PLCB1: variants seen among roughly 807,000 people sequenced by gnomAD.
The protein encoded by PLCB1 is phospholipase C beta 1.
In PLCB1, 46 loss-of-function variants were observed where a neutral mutation model predicts 161.8. The ratio of observed to expected loss-of-function variants is 0.28; its 90% confidence interval spans 0.22 to 0.36. The LOEUF (loss-of-function observed/expected upper bound fraction) is 0.36. PLCB1 is among the 10% of genes least tolerant of loss of function. The pLI is 1.00. For missense variants in PLCB1, 1,016 were observed against 1,472.5 expected, an observed-to-expected ratio of 0.69 and a Z score of 5.07; for synonymous variants, 517 against 503.7, an observed-to-expected ratio of 1.03 and a Z score of -0.35.
chr20:8,462,342 G>A (rs150505169), intron 3 of PLCB1, among the ~76,000 whole-genome samples: 264 of 152,198 alleles, frequency 1.7e-3, no homozygotes, highest in African/African-American at 6.0e-3. Flanking sequence ...ATGACATGAC[G>A]TGCCATCCAA....
At chr20:8,822,343 C>T (rs1316419971) in intron 31 of PLCB1, among the ~76,000 whole-genome samples, 1 of 152,174 alleles carries the variant, frequency 6.6e-6, no homozygotes, top group Non-Finnish European at 1.5e-5. Flanking sequence ...GTGTCAGGCA[C>T]TGCGCTGCAT....
intron 19 of PLCB1, among the ~76,000 whole-genome samples, chr20:8,735,185 G>A (rs545827234): frequency 5.9e-5 from 9 of 152,130 alleles, no homozygotes; most frequent in Non-Finnish European, 1.3e-4. Flanking sequence ...GTTATAGTTC[G>A]GTTGAATTAA....
At chr20:8,255,341 A>C (rs1274664662) in intron 2 of PLCB1, among the ~76,000 whole-genome samples, 1 of 152,086 alleles carries the variant, frequency 6.6e-6, no homozygotes, top group Non-Finnish European at 1.5e-5. Context: ...ACAGATACAA[A>C]CACTGGATGG....
intron 3 of PLCB1, among the ~76,000 whole-genome samples, chr20:8,406,401 C>A (rs1600379667): frequency 6.6e-6 from 1 of 152,222 alleles, no homozygotes; most frequent in East Asian, 1.9e-4. Context: ...CAGCTTCAGT[C>A]ATTAAAATAT....
chr20:8,449,563 G>T (rs1367477237), intron 3 of PLCB1, among the ~76,000 whole-genome samples: 1 of 152,200 alleles, frequency 6.6e-6, no homozygotes, highest in Non-Finnish European at 1.5e-5. Context: ...GTGGAATGAT[G>T]GGGATGGTTT....
At chr20:8,726,624 G>A (rs1267391860) in intron 16 of PLCB1, among the ~76,000 whole-genome samples, 3 of 152,020 alleles carry the variant, frequency 2.0e-5, no homozygotes, top group African/African-American at 7.2e-5. Flanking sequence ...GCATTATCAT[G>A]AGAACAACAC....
chr20:8,479,872 C>T (rs1032412903), intron 3 of PLCB1, among the ~76,000 whole-genome samples: 3 of 152,208 alleles, frequency 2.0e-5, no homozygotes, highest in African/African-American at 7.2e-5. Context: ...CAACCTGTAG[C>T]ATAACACAAA....
chr20:8,132,334 A>C lies in PLCB1; in HGVS notation c.-318A>C, dbSNP rs1016537323. 1 of 221,116 alleles carries C rather than the reference A, an allele frequency of 4.5e-6. No individual in the cohort carries two copies. Among genetic ancestry groups the C allele is most frequent in the African/African-American group, 2.3e-5 (1 of 43,392 alleles). The allele number at this position is 221,116 out of a possible 1,614,324, so 13.7% of individuals were successfully genotyped here. ...CGCTTTGAGGCGGCGGCGGCGGAGG[A>C]GCAGAATCCGCCGCGACTGGCAGCC... On this transcript the variant is annotated 5_prime_UTR_variant, in exon 1 of 32. Transcript: ENST00000338037. This position sits in a 1 kb window ranked among gnomAD's most constrained non-coding sequence, Gnocchi z 5.2.
chr20:8,790,903 A>C (rs1983726490), intron 31 of PLCB1, among the ~76,000 whole-genome samples: 1 of 152,142 alleles, frequency 6.6e-6, no homozygotes, highest in Non-Finnish European at 1.5e-5. Context: ...CATTCCTTCC[A>C]TTTTGATTCA....
At chr20:8,385,819 T>C (rs1329670454) in intron 3 of PLCB1, among the ~76,000 whole-genome samples, 2 of 152,186 alleles carry the variant, frequency 1.3e-5, no homozygotes, top group Non-Finnish European at 2.9e-5. Context: ...TCTTCCTTCC[T>C]CTCCATGGAT....
intron 3 of PLCB1, among the ~76,000 whole-genome samples, chr20:8,543,731 TG>T (rs1423696106): frequency 3.3e-5 from 5 of 151,466 alleles, no homozygotes; most frequent in Non-Finnish European, 7.4e-5. Context: ...GGAGGGACCT[TG>T]GGGGTGGTGA....
At chr20:8,836,114 A>G (rs1455533670) in intron 31 of PLCB1, among the ~76,000 whole-genome samples, 2 of 152,100 alleles carry the variant, frequency 1.3e-5, no homozygotes, top group Non-Finnish European at 2.9e-5. Flanking sequence ...TAGCAGGCTA[A>G]TCAAAGCTTG....
chr20:8,872,697 C>T (rs1987647634), intron 31 of PLCB1, among the ~76,000 whole-genome samples: 3 of 152,136 alleles, frequency 2.0e-5, no homozygotes, highest in Admixed American at 2.0e-4. Context: ...TCATGGGTTT[C>T]TAATTCCCTT....
At chr20:8,715,624 T>C (rs1399831688) in intron 12 of PLCB1, among the ~76,000 whole-genome samples, 2 of 152,196 alleles carry the variant, frequency 1.3e-5, no homozygotes, top group African/African-American at 4.8e-5. Context: ...TATTCTGTTA[T>C]GTATATATGA....
chr20:8,382,964 A>C (rs1326209072), intron 3 of PLCB1, among the ~76,000 whole-genome samples: 1 of 152,162 alleles, frequency 6.6e-6, no homozygotes, highest in Non-Finnish European at 1.5e-5. Flanking sequence ...TATGTAGTTG[A>C]TTTTAGAGTA....
intron 2 of PLCB1, among the ~76,000 whole-genome samples, chr20:8,264,573 G>A (rs1027581045): frequency 2.0e-5 from 3 of 152,146 alleles, no homozygotes; most frequent in African/African-American, 7.2e-5. Flanking sequence ...TACCATAAAC[G>A]CATGAGTGAT....
At chr20:8,693,874 G>T (rs192265301) in intron 10 of PLCB1, among the ~76,000 whole-genome samples, 179 of 152,310 alleles carry the variant, frequency 1.2e-3, no homozygotes, top group Middle Eastern at 0.01. Flanking sequence ...ACTTGGGGCA[G>T]TATTATGAAT....
At chr20:8,844,351 G>A (rs1395435084) in intron 31 of PLCB1, among the ~76,000 whole-genome samples, 4 of 152,172 alleles carry the variant, frequency 2.6e-5, no homozygotes, top group African/African-American at 7.2e-5. Context: ...ATCTGAGCAT[G>A]TGTACACTGA....
At position 8,340,075 on chromosome 20, in the gene PLCB1, C is replaced by G. The variant is rs542499729; in HGVS notation, c.178-31307C>G. Reference sequence around the variant, plus strand: ...CACTACTGTAACTCCCAGCACAACCCCTCCTGTTGTACTTCCTACATATGA... The same window carrying G: ...CACTACTGTAACTCCCAGCACAACCGCTCCTGTTGTACTTCCTACATATGA... On this transcript the variant is annotated intron_variant, in intron 2 of 31. Transcript: ENST00000338037. Among the ~76,000 whole-genome samples the G allele has an allele frequency of 4.6e-5, 7 of 152,312 alleles. No homozygotes were observed. In the South Asian group the frequency reaches 1.4e-3, roughly 32 times the overall value.
Sources: gnomAD v4.1 joint callset for allele counts (sites outside exome capture counted in the v4.1 genomes callset) on GRCh38, gnomAD v4.1.1 for gene constraint, Gnocchi (gnomAD v3.1) non-coding constraint, MANE v1.5 for transcripts, NCBI Gene and HGNC (gene_info 2026-07-23, HGNC 2026-07-21) for gene names.